The following METTL15 variants were observed in gnomAD, a reference collection of about 807,000 sequenced individuals.
METTL15 encodes methyltransferase 15, mitochondrial 12S rRNA N4-cytidine.
METTL15 carries 34 observed loss-of-function variants against 38.3 expected under a neutral mutation model. That is an observed-to-expected ratio of 0.89 (90% CI 0.68 to 1.18). The LOEUF (loss-of-function observed/expected upper bound fraction) is 1.18. Among genes scored for constraint, METTL15 ranks in the 50% most tolerant of loss-of-function variants. The pLI, the probability that METTL15 is intolerant of heterozygous loss-of-function variation, is 0.00. For missense variants in METTL15, 438 were observed against 498.4 expected, an observed-to-expected ratio of 0.88 and a Z score of 1.15; for synonymous variants, 162 against 170.9, an observed-to-expected ratio of 0.95 and a Z score of 0.41.
At chr11:28,177,271 A>G (rs2133775193) in intron 3 of METTL15, among the ~76,000 whole-genome samples, 1 of 152,204 alleles carries the variant, frequency 6.6e-6, no homozygotes, top group East Asian at 1.9e-4. Flanking sequence ...TTATGAATAC[A>G]GATTTCCATC....
intron 6 of METTL15, among the ~76,000 whole-genome samples, chr11:28,297,934 T>G (rs184325322): frequency 7.5e-4 from 114 of 152,210 alleles, no homozygotes; most frequent in African/African-American, 2.5e-3. Context: ...TTCATTTAGA[T>G]CATTACTATT....
chr11:28,126,276 T>C (rs765122882), intron 3 of METTL15, among the ~76,000 whole-genome samples: 4 of 152,044 alleles, frequency 2.6e-5, no homozygotes, highest in South Asian at 2.1e-4. Flanking sequence ...TCCTTGCTTG[T>C]TTGTTTGTTT....
At chr11:28,289,969 A>G (rs147873352) in intron 4 of METTL15, among the ~76,000 whole-genome samples, 1 of 152,196 alleles carries the variant, frequency 6.6e-6, no homozygotes, top group Non-Finnish European at 1.5e-5. Flanking sequence ...CTTCACAAAG[A>G]TATACAATAA....
chr11:28,353,146 AG>A (rs1850056887), intron 4 of METTL15, among the ~76,000 whole-genome samples: 1 of 152,130 alleles, frequency 6.6e-6, no homozygotes, highest in Non-Finnish European at 1.5e-5. Flanking sequence ...AGCTCTTCAG[AG>A]TAAGGTAATG....
intron 3 of METTL15, among the ~76,000 whole-genome samples, chr11:28,192,948 A>G (rs1400351392): frequency 1.3e-5 from 2 of 152,068 alleles, no homozygotes; most frequent in Non-Finnish European, 2.9e-5. Flanking sequence ...AGACTTTTTC[A>G]TAATATTGCA....
chr11:28,272,689 C>T (rs969113168), intron 4 of METTL15, among the ~76,000 whole-genome samples: 1 of 152,082 alleles, frequency 6.6e-6, no homozygotes, highest in African/African-American at 2.4e-5. Context: ...GCACATTCTG[C>T]ACATGTATCC....
intron 6 of METTL15, among the ~76,000 whole-genome samples, chr11:28,444,675 C>A (rs1425033550): frequency 2.0e-5 from 3 of 152,126 alleles, no homozygotes; most frequent in African/African-American, 7.2e-5. Context: ...AGCTGCCTTG[C>A]AGAAATGTTG....
At chr11:28,404,110 C>A (rs1006686413) in intron 5 of METTL15, among the ~76,000 whole-genome samples, 2 of 151,876 alleles carry the variant, frequency 1.3e-5, no homozygotes, top group African/African-American at 4.8e-5. Flanking sequence ...AACTAAAAAA[C>A]CCATAAGCAA....
chr11:28,220,490 A>G (rs369212466), intron 4 of METTL15, among the ~76,000 whole-genome samples: 1 of 152,172 alleles, frequency 6.6e-6, no homozygotes, highest in African/African-American at 2.4e-5. Flanking sequence ...AATACAGCAC[A>G]CTGATGAGTC....
At chr11:28,293,066 C>A (rs1475071805) in intron 5 of METTL15, among the ~76,000 whole-genome samples, 2 of 152,096 alleles carry the variant, frequency 1.3e-5, no homozygotes, top group Non-Finnish European at 2.9e-5. Context: ...TTAATTAGAT[C>A]CCATTTGTCA....
chr11:28,453,258 A>G (rs986771269), intron 6 of METTL15, among the ~76,000 whole-genome samples: 4 of 152,344 alleles, frequency 2.6e-5, no homozygotes, highest in South Asian at 4.1e-4. Flanking sequence ...TATAGAGAAC[A>G]GCATCCTCCG....
At chr11:28,428,987 T>C (rs994182961) in intron 6 of METTL15, among the ~76,000 whole-genome samples, 2 of 152,204 alleles carry the variant, frequency 1.3e-5, no homozygotes, top group South Asian at 4.1e-4. Flanking sequence ...CTCATCACCA[T>C]GTTCTCCCTG....
chr11:28,515,363 A>G (rs560207337), intron 6 of METTL15, among the ~76,000 whole-genome samples: 18 of 152,348 alleles, frequency 1.2e-4, no homozygotes, highest in African/African-American at 3.1e-4. Flanking sequence ...TCAATGGCCT[A>G]ATACAATAGA....
chr11:28,173,019 A>G (rs1346939700), intron 3 of METTL15, among the ~76,000 whole-genome samples: 1 of 152,224 alleles, frequency 6.6e-6, no homozygotes. Context: ...CGAAACTCTT[A>G]TAAAGAGGTT....
At chr11:28,328,765 A>T (rs1465490614) in intron 6 of METTL15, among the ~76,000 whole-genome samples, 1 of 152,090 alleles carries the variant, frequency 6.6e-6, no homozygotes, top group Non-Finnish European at 1.5e-5. Flanking sequence ...ATTGAAGTAG[A>T]TGGGACATAC....
intron 6 of METTL15, among the ~76,000 whole-genome samples, chr11:28,496,100 T>C (rs1316544365): frequency 6.6e-6 from 1 of 152,260 alleles, no homozygotes; most frequent in Non-Finnish European, 1.5e-5. Context: ...TGTATTAATC[T>C]GTTCTCACAC....
intron 6 of METTL15, among the ~76,000 whole-genome samples, chr11:28,501,362 G>A (rs952612381): frequency 1.6e-4 from 24 of 152,270 alleles, no homozygotes; most frequent in Admixed American, 1.2e-3. Flanking sequence ...GCGAAACATG[G>A]CATCCCAGTA....
At chr11:28,279,803 G>T (rs970520354) in intron 4 of METTL15, among the ~76,000 whole-genome samples, 1 of 151,906 alleles carries the variant, frequency 6.6e-6, no homozygotes, top group African/African-American at 2.4e-5. Flanking sequence ...GGAGGCTGAG[G>T]CAGGAGAATC....
At chr11:28,301,362 C>T (rs1856907484) in intron 6 of METTL15, among the ~76,000 whole-genome samples, 1 of 152,078 alleles carries the variant, frequency 6.6e-6, no homozygotes, top group Non-Finnish European at 1.5e-5. Context: ...AAAGTTTTTT[C>T]CAACTTTACT....
Sources: gnomAD v4.1 joint callset for allele counts (sites outside exome capture counted in the v4.1 genomes callset) on GRCh38, gnomAD v4.1.1 for gene constraint, MANE v1.5 for transcripts, NCBI Gene and HGNC (gene_info 2026-07-23, HGNC 2026-07-21) for gene names.